CNOT3: variants seen among roughly 807,000 people sequenced by gnomAD.
CNOT3 encodes CCR4-NOT transcription complex subunit 3, also known as CCR4-associated factor 3.
CNOT3 carries 2 observed loss-of-function variants against 89.4 expected under a neutral mutation model. The ratio of observed to expected loss-of-function variants is 0.02; its 90% confidence interval spans 0.01 to 0.07. The LOEUF is 0.07. CNOT3 is among the 10% of genes least tolerant of loss of function. CNOT3 has a pLI of 1.00. For missense variants in CNOT3, 664 were observed against 1,010.2 expected (o/e 0.66, Z 4.65); for synonymous variants, 486 against 402.0 (o/e 1.21, Z -2.50).
intron 1 of CNOT3, chr19:54,141,890 C>G (rs1199906368): frequency 6.6e-6 from 1 of 152,208 alleles, no homozygotes; most frequent in African/African-American, 2.4e-5. Flanking sequence ...AGCCTCTCTT[C>G]CCAGGGCTCC....
In CNOT3 at chr19:54,143,753, G is replaced by A; in HGVS notation, c.258+4G>A. ...CAACCGCAAGCTCATTGAGACGGTA[G>A]GAGCCCAGAGCCTGAGTCCCAGAGA... On this transcript the variant is annotated splice_donor_region_variant and intron_variant, in intron 5 of 17. Transcript: ENST00000221232. 1.2e-6 allele frequency: 2 copies of A among 1,613,312 alleles called. No homozygotes were observed. The highest frequency in any genetic ancestry group is 1.7e-6 in the Non-Finnish European group (2 of 1,179,544).
chr19:54,147,613 G>C (rs1469003226), intron 10 of CNOT3, among the ~76,000 whole-genome samples: 1 of 152,208 alleles, frequency 6.6e-6, no homozygotes, highest in African/African-American at 2.4e-5. Flanking sequence ...GCTGTCCGCA[G>C]ATTGCCTGCG....
In CNOT3 at chr19:54,153,013, C is replaced by A; in HGVS notation, c.2037+14C>A. Reference sequence around the variant, plus strand: ...TACTATCTGGAGGTACAGCAGGGCCCCCGGGGCAGCCTCGGGCCCCCCGGC... The same window carrying A: ...TACTATCTGGAGGTACAGCAGGGCCACCGGGGCAGCCTCGGGCCCCCCGGC... On this transcript the variant is annotated intron_variant, in intron 16 of 17. Transcript: ENST00000221232. The A allele has an allele frequency of 6.3e-7, 1 of 1,598,260 alleles. No individual in the cohort carries two copies. The highest frequency in any genetic ancestry group is 2.2e-5 in the East Asian group (1 of 44,740).
At position 54,155,362 on chromosome 19, in the gene CNOT3, C is replaced by T; in HGVS notation, c.2217C>T (p.Gly739=). The stretch of plus-strand genomic sequence containing the variant: ...AGTGGGGCCAGCGGAAGAAGGAAGG[C>T]TTCACCTTTGAGTACCGCTACCTGG... ...YEKWGQRKKE[G]FTFEYRYLED... The change falls in exon 18 of 18, where the codon GGC becomes GGT. Residue 739 remains glycine (G), a synonymous_variant. Transcript: ENST00000221232. 1 of 1,612,940 alleles carries T rather than the reference C, an allele frequency of 6.2e-7. No individual in the cohort carries two copies. The highest frequency in any genetic ancestry group is 8.5e-7 in the Non-Finnish European group (1 of 1,179,120).
intron 3 of CNOT3, 43 bp downstream of exon 3, chr19:54,143,229 A>G (rs1265726163): frequency 1.3e-6 from 2 of 1,569,110 alleles, no homozygotes; most frequent in Non-Finnish European, 1.8e-6. Context: ...TTCAGAGAGG[A>G]GGGCACAGGA....
At chr19:54,153,662 CCCCA>C (rs2075267541) in intron 16 of CNOT3, 49 bp from the exon 17 acceptor site, 1 of 1,438,598 alleles carries the variant, frequency 7.0e-7, no homozygotes, top group Admixed American at 1.7e-5. Flanking sequence ...TCCCCTGGCT[CCCCA>C]CCCAGTTTGG....
In CNOT3 at chr19:54,152,244, T is replaced by A. The variant is rs1206888741; in HGVS notation, c.1624T>A (p.Ser542Thr). ...TCCCCAGGCCCCTGAGCCTCTGAGC[T>A]CCTTGAAGTCCATGGCGGAACGGGC... ...PEIKAPEPLS[S>T]LKSMAERAAI... Residue 542 changes from serine to threonine, a missense_variant, in exon 14 of 18, where the codon TCC (serine) becomes ACC (threonine). Ser to Thr is a moderately conservative substitution (Grantham distance 58, BLOSUM62 1). Transcript: ENST00000221232. 5 of 1,613,864 alleles carry A rather than the reference T, an allele frequency of 3.1e-6. No individual in the cohort carries two copies. The highest frequency in any genetic ancestry group is 3.4e-6 in the Non-Finnish European group (4 of 1,179,940).
intron 13 of CNOT3, 135 bp downstream of exon 13, chr19:54,149,893 GCT>G (rs1401380884): frequency 3.2e-6 from 3 of 933,466 alleles, no homozygotes; most frequent in Non-Finnish European, 4.7e-6. Flanking sequence ...TCTCACACTT[GCT>G]CTTTCTCCAG....
chr19:54,143,611 C>T, intron 4 of CNOT3, 49 bp from the exon 5 acceptor site: 1 of 1,606,250 alleles, frequency 6.2e-7, no homozygotes, highest in Non-Finnish European at 8.5e-7. Context: ...GCTGTGGGCC[C>T]CAGTTCCTGG....
At chr19:54,149,981 T>C (rs1404014899) in intron 13 of CNOT3, among the ~76,000 whole-genome samples, 1 of 152,072 alleles carries the variant, frequency 6.6e-6, no homozygotes, top group Non-Finnish European at 1.5e-5. Context: ...CCTCCAAAGC[T>C]CTGTTTCTCT....
intron 5 of CNOT3, 104 bp from the exon 6 acceptor site, chr19:54,143,895 ACTCAGAG>A: frequency 8.0e-6 from 12 of 1,503,790 alleles, no homozygotes; most frequent in Non-Finnish European, 1.1e-5. Flanking sequence ...GAGGCAGCGG[ACTCAGAG>A]CTCAGAAAGT....
rs2074282233 is a variant in CNOT3 at position 54,137,946 on chromosome 19, C to T, written c.-98C>T. 1.3e-5 allele frequency: 2 copies of T among 152,138 alleles called. No homozygotes were observed. The highest frequency in any genetic ancestry group is 2.1e-4 in the South Asian group (1 of 4,838). The allele number at this position is 152,138 out of a possible 1,614,324, so 9.4% of individuals were successfully genotyped here. A position where few individuals can be genotyped will look rare whatever the true frequency, so the allele number is the denominator to read the frequency against. On this transcript the variant is annotated 5_prime_UTR_variant, in exon 1 of 18. Transcript: ENST00000221232. The stretch of plus-strand genomic sequence containing the variant: ...AGAAAAAGGCGGCGGGCGCTCGCCT[C>T]CCCCGCCTGTCGCGATACGCTCCTC...
Position 54,143,724 on chromosome 19 carries a change from T to C in CNOT3, c.233T>C (p.Ile78Thr), listed in dbSNP as rs1568633756. 1.9e-6 allele frequency: 3 copies of C among 1,613,272 alleles called. No individual in the cohort carries two copies. The highest frequency in any genetic ancestry group is 1.3e-5 in the African/African-American group (1 of 74,664). Reference protein sequence around the residue: ...SNEIKDKRQLIDNRKLIETQM... With the variant: ...SNEIKDKRQLTDNRKLIETQM... The stretch of plus-strand genomic sequence containing the variant: ...GAGATCAAGGACAAGAGGCAGCTTA[T>C]AGACAACCGCAAGCTCATTGAGACG... The change falls in exon 5 of 18, where the codon ATA becomes ACA. Residue 78 changes from isoleucine (I) to threonine (T), a missense_variant. Around this residue, in one of 8 missense-constraint regions of CNOT3, gnomAD observed 27 missense variants for 158.2 expected, o/e 0.17. Coordinates refer to ENST00000221232, the MANE Select transcript of CNOT3 (RefSeq NM_014516.4).
At position 54,154,375 on chromosome 19, in the gene CNOT3, G is replaced by A. The variant is rs185161570; in HGVS notation, c.2163+535G>A. On this transcript the variant is annotated intron_variant, in intron 17 of 17. Transcript: ENST00000221232. ...GGGTTTCAGCCCAGTCCAGCTGGGCGACTCTAGGCAAGTCACTCGAACCTC... is the reference window on the plus strand; with the variant it reads ...GGGTTTCAGCCCAGTCCAGCTGGGCAACTCTAGGCAAGTCACTCGAACCTC... 200 of 245,766 alleles carry A rather than the reference G, an allele frequency of 8.1e-4. 1 individual carries two copies. The highest frequency in any genetic ancestry group is 4.8e-4 in the Non-Finnish European group (58 of 119,638). 15.2% of individuals were successfully genotyped at this position (245,766 alleles called of 1,614,324 possible). A position where few individuals can be genotyped will look rare whatever the true frequency, so the allele number is the denominator to read the frequency against.
chr19:54,148,126 C>T lies in CNOT3; in HGVS notation c.895-22C>T. ...CCAGCTGGCCCACTGGGTCCTGACC[C>T]TCTGCTCTCTCCCACCCGCAGTCTC... On this transcript the variant is annotated intron_variant, in intron 10 of 17. Coordinates refer to ENST00000221232, the MANE Select transcript of CNOT3 (RefSeq NM_014516.4). The surrounding 1 kb of genome is among the most constrained non-coding windows in gnomAD (Gnocchi z 6.3). 1 of 1,458,132 alleles carries T rather than the reference C, an allele frequency of 6.9e-7. No homozygotes were observed. The highest frequency in any genetic ancestry group is 9.1e-7 in the Non-Finnish European group (1 of 1,102,858). The allele number at this position is 1,458,132 out of a possible 1,614,324, so 90.3% of individuals were successfully genotyped here. A position where few individuals can be genotyped will look rare whatever the true frequency, so the allele number is the denominator to read the frequency against.
In CNOT3 at chr19:54,149,579, G is replaced by A. The variant is rs1324951975; in HGVS notation, c.1426G>A (p.Ala476Thr). 2 of 1,598,230 alleles carry A rather than the reference G, an allele frequency of 1.3e-6. No homozygotes were observed. Among genetic ancestry groups the A allele is most frequent in the South Asian group, 2.2e-5 (2 of 89,186 alleles). Residue 476 changes from alanine (A) to threonine (T), a missense_variant, in exon 13 of 18, where the codon GCC becomes ACC. Ala to Thr is a moderately conservative substitution (Grantham distance 58, BLOSUM62 0). This residue lies in a region of CNOT3 where 545 missense variants were observed against 566.2 expected (regional missense o/e 0.96). Transcript: ENST00000221232. ...CTCCAGGAAGGAACCCAGTGCGGCA[G>A]CCCCAACGGGGGCTGGGGGCGTGGC... The part of the protein sequence containing the change: ...PSTSKEPSAA[A>T]PTGAGGVAPG...
rs768965964 is a variant in CNOT3, at chr19:54,148,648, G to A, written c.1311G>A (p.Pro437=). The A allele has an allele frequency of 1.6e-5, 26 of 1,610,344 alleles. No individual in the cohort carries two copies. The highest frequency in any genetic ancestry group is 5.5e-5 in the South Asian group (5 of 90,432). The change falls in exon 12 of 18, where the codon CCG becomes CCA. Residue 437 remains proline, a synonymous_variant. Transcript: ENST00000221232. The surrounding 1 kb of genome is among the most constrained non-coding windows in gnomAD (Gnocchi z 6.3). ...TSYSSVVADS[P]AEVALSSSGG... ...ACAGCTCAGTTGTGGCAGACAGCCC[G>A]GCAGAGGTGGCTTTGAGCAGCAGTG...
At chr19:54,147,240 G>A (rs190485713) in intron 10 of CNOT3, among the ~76,000 whole-genome samples, 61 of 152,360 alleles carry the variant, frequency 4.0e-4, no homozygotes, top group Middle Eastern at 3.4e-3. Context: ...TTTCGGAAAC[G>A]CTGCTACAGA....
At chr19:54,147,987 G>GGGTGA (rs1337832441) in intron 10 of CNOT3, among the ~76,000 whole-genome samples, 161 bp from the exon 11 acceptor site, 1 of 152,120 alleles carries the variant, frequency 6.6e-6, no homozygotes, top group African/African-American at 2.4e-5. Flanking sequence ...GAAGCCATGA[G>GGGTGA]GGTGAGTAAG....
Sources: allele counts gnomAD v4.1 joint callset (sites outside exome capture counted in the v4.1 genomes callset), GRCh38; gene constraint gnomAD v4.1.1; regional missense constraint gnomAD v4.1.1; non-coding constraint Gnocchi (gnomAD v3.1); transcripts MANE v1.5; gene names NCBI Gene and HGNC (gene_info 2026-07-23, HGNC 2026-07-21).